Variants in ARSB observed in about 807,000 individuals in gnomAD.
ARSB encodes N-acetylgalactosamine-4-sulfatase.
Under a neutral mutation model 50.9 loss-of-function variants are expected in ARSB, and 41 were observed. The observed-to-expected ratio is 0.81, with a 90% CI of 0.63 to 1.04. The LOEUF (loss-of-function observed/expected upper bound fraction) is 1.04. ARSB is among the 50% of genes least tolerant of loss of function. The probability of loss-of-function intolerance (pLI) is 0.00; values close to 1 mark genes in which losing one functional copy is unlikely to be tolerated. For synonymous variants in ARSB, 269 were observed against 284.8 expected, an observed-to-expected ratio of 0.94 and a Z score of 0.56; for missense variants, 672 against 693.3, an observed-to-expected ratio of 0.97 and a Z score of 0.35.
Position 78,977,195 on chromosome 5 carries a change from T to C in ARSB, c.312+7742A>G, listed in dbSNP as rs541137221. ...GCGAGATGGAGTCTTGCTCTGTTGC[T>C]CAGGCTGGAGTGCAGTGGCGCAATC... is the stretch of plus-strand genomic sequence containing the variant. On this transcript the variant is annotated intron_variant, in intron 1 of 7. Coordinates refer to ENST00000264914, the MANE Select transcript of ARSB (RefSeq NM_000046.5). Among the ~76,000 whole-genome samples, 32 of 146,998 alleles carry C rather than the reference T, an allele frequency of 2.2e-4. No individual in the cohort carries two copies. The South Asian group carries it at 4.5e-3, about 21-fold the overall frequency.
chr5:78,807,825 G>A (rs113861563), intron 6 of ARSB, among the ~76,000 whole-genome samples: 2,041 of 152,204 alleles, frequency 0.013, 49 homozygotes, highest in African/African-American at 0.046. Flanking sequence ...CGGGCGCGGT[G>A]GCTCACGCCT....
chr5:78,790,788 A>G (rs1046956584), intron 6 of ARSB, among the ~76,000 whole-genome samples: 2 of 152,340 alleles, frequency 1.3e-5, no homozygotes, highest in East Asian at 3.9e-4. Context: ...GAAAGGAGGC[A>G]AAAATCACTA....
intron 5 of ARSB, among the ~76,000 whole-genome samples, chr5:78,856,350 A>C (rs1746141684): frequency 6.6e-6 from 1 of 152,212 alleles, no homozygotes; most frequent in South Asian, 2.1e-4. Context: ...TTAGGTAAGA[A>C]GTCCATATAT....
chr5:78,875,497 T>C (rs1172354429), intron 5 of ARSB, among the ~76,000 whole-genome samples: 1 of 152,072 alleles, frequency 6.6e-6, no homozygotes, highest in Non-Finnish European at 1.5e-5. Flanking sequence ...TATTGTCTAC[T>C]GGTGAGTATT....
chr5:78,783,985 T>C (rs577071365), intron 6 of ARSB, among the ~76,000 whole-genome samples: 3 of 152,076 alleles, frequency 2.0e-5, no homozygotes, highest in African/African-American at 7.3e-5. Flanking sequence ...TGTTAACATT[T>C]TACCATGTTT....
chr5:78,800,319 A>AT (rs1417645009), intron 6 of ARSB, among the ~76,000 whole-genome samples: 10 of 134,602 alleles, frequency 7.4e-5, no homozygotes, highest in Non-Finnish European at 1.2e-4. Flanking sequence ...CTCCATCTCA[A>AT]TTAAAAAAAA....
rs192325192 is a variant in ARSB at position 78,982,794 on chromosome 5, T to C, written c.312+2143A>G. Among the ~76,000 whole-genome samples the C allele has an allele frequency of 1.1e-3, 164 of 152,300 alleles. 1 individual carries two copies. The highest frequency in any genetic ancestry group is 1.8e-3 in the Non-Finnish European group (120 of 68,028). On this transcript the variant is annotated intron_variant, in intron 1 of 7. Transcript: ENST00000264914. ...CTTGCTCACCCTGGGTAACATCTAC[T>C]TGGGTCTCATGAACTCTAAGAGAAT...
At chr5:78,897,122 AC>A (rs2112256984) in intron 4 of ARSB, among the ~76,000 whole-genome samples, 1 of 152,338 alleles carries the variant, frequency 6.6e-6, no homozygotes, top group African/African-American at 2.4e-5. Flanking sequence ...TATTAAAACC[AC>A]GCAAAAAATA....
At chr5:78,912,848 T>C (rs528901401) in intron 4 of ARSB, among the ~76,000 whole-genome samples, 16 of 152,268 alleles carry the variant, frequency 1.1e-4, no homozygotes, top group Admixed American at 9.8e-4. Context: ...AAAAACCAAA[T>C]AGAAAATCAG....
chr5:78,896,937 T>A (rs1748591058), intron 4 of ARSB, among the ~76,000 whole-genome samples: 1 of 152,180 alleles, frequency 6.6e-6, no homozygotes, highest in Non-Finnish European at 1.5e-5. Context: ...AAATAGCATG[T>A]ATTTCATAGG....
intron 5 of ARSB, among the ~76,000 whole-genome samples, chr5:78,870,206 A>T (rs1046286685): frequency 1.6e-4 from 24 of 147,060 alleles, no homozygotes; most frequent in African/African-American, 1.8e-4. Context: ...CAGGACCAGA[A>T]GGATTCACAG....
chr5:78,976,278 CTTTTTTT>C (rs541278624), intron 1 of ARSB, among the ~76,000 whole-genome samples: 18 of 76,910 alleles, frequency 2.3e-4, no homozygotes, highest in African/African-American at 8.3e-4. Context: ...AAACAGGCTA[CTTTTTTT>C]TTTTTTTTTT....
At chr5:78,796,309 A>G (rs1743175488) in intron 6 of ARSB, among the ~76,000 whole-genome samples, 1 of 152,248 alleles carries the variant, frequency 6.6e-6, no homozygotes, top group African/African-American at 2.4e-5. Context: ...AGCAGGTAAT[A>G]ATAAAATAAT....
intron 6 of ARSB, among the ~76,000 whole-genome samples, chr5:78,801,963 C>A (rs1246784458): frequency 1.3e-5 from 2 of 152,164 alleles, no homozygotes; most frequent in South Asian, 4.2e-4. Flanking sequence ...CAGCAGCCAG[C>A]GTTATCTTAA....
chr5:78,839,236 CT>C, intron 6 of ARSB, 119 bp downstream of exon 6: 1 of 948,070 alleles, frequency 1.1e-6, no homozygotes, highest in East Asian at 2.5e-5. Context: ...TCCCGAAGAA[CT>C]GTTTACCTTT....
intron 6 of ARSB, among the ~76,000 whole-genome samples, chr5:78,808,935 G>A (rs1743692124): frequency 6.6e-6 from 1 of 152,188 alleles, no homozygotes; most frequent in Non-Finnish European, 1.5e-5. Context: ...TGTGCCATGT[G>A]CCCTACTTTT....
intron 6 of ARSB, among the ~76,000 whole-genome samples, chr5:78,786,548 G>A (rs1467381613): frequency 6.6e-6 from 1 of 152,120 alleles, no homozygotes; most frequent in Non-Finnish European, 1.5e-5. Flanking sequence ...GAGTTATATG[G>A]TAAGTCTATG....
rs148927911 is a variant in ARSB, at chr5:78,839,777, A to G, written c.1143-351T>C. Among the ~76,000 whole-genome samples the G allele has an allele frequency of 4.6e-3, 706 of 152,354 alleles. 3 individuals are homozygous for G. The highest frequency in any genetic ancestry group is 0.016 in the African/African-American group (678 of 41,578). ...ACCTCATATAGACTTCATACTGAAC[A>G]CTTACGAGTAAATGAAGAAACTGCA... On this transcript the variant is annotated intron_variant, in intron 5 of 7. Coordinates refer to ENST00000264914, the MANE Select transcript of ARSB (RefSeq NM_000046.5).
At chr5:78,895,493 T>G (rs796249324) in intron 4 of ARSB, among the ~76,000 whole-genome samples, 91 of 152,328 alleles carry the variant, frequency 6.0e-4, no homozygotes, top group African/African-American at 2.1e-3. Context: ...ATTCCTGTCA[T>G]TAATCCTATT....
Sources: allele counts gnomAD v4.1 joint callset (sites outside exome capture counted in the v4.1 genomes callset), GRCh38; gene constraint gnomAD v4.1.1; transcripts MANE v1.5; gene names NCBI Gene and HGNC (gene_info 2026-07-23, HGNC 2026-07-21).